The following SYT1 variants were observed in gnomAD, a reference collection of about 807,000 sequenced individuals.
SYT1 encodes the protein synaptotagmin-1.
In SYT1, 8 loss-of-function variants were observed where a neutral mutation model predicts 44.8. The observed-to-expected ratio is 0.18, with a 90% CI of 0.10 to 0.32. The LOEUF (loss-of-function observed/expected upper bound fraction) is 0.32. Ranked by LOEUF, SYT1 falls within the 10% of genes least tolerant of loss-of-function variation. SYT1 has a pLI of 1.00. For synonymous variants in SYT1, 154 were observed against 188.8 expected, an observed-to-expected ratio of 0.82 and a Z score of 1.51; for missense variants, 286 against 509.3, an observed-to-expected ratio of 0.56 and a Z score of 4.22.
At chr12:79,036,735 C>G (rs1873159242) in intron 2 of SYT1, among the ~76,000 whole-genome samples, 1 of 151,804 alleles carries the variant, frequency 6.6e-6, no homozygotes, top group African/African-American at 2.4e-5. Flanking sequence ...TTATTTGAAT[C>G]AGTGCATTGA....
chr12:79,196,470 A>T (rs1252488106), intron 3 of SYT1, among the ~76,000 whole-genome samples: 1 of 152,050 alleles, frequency 6.6e-6, no homozygotes, highest in African/African-American at 2.4e-5. Flanking sequence ...CCGGCTGTAC[A>T]TTTCTAATTC....
At chr12:79,392,567 G>T (rs1354332989) in intron 9 of SYT1, 1 of 152,064 alleles carries the variant, frequency 6.6e-6, no homozygotes, top group Non-Finnish European at 1.5e-5. Context: ...AAAGGGTATA[G>T]GGAGACTATC....
At chr12:79,410,987 A>G (rs1277109033) in intron 9 of SYT1, among the ~76,000 whole-genome samples, 1 of 152,214 alleles carries the variant, frequency 6.6e-6, no homozygotes, top group African/African-American at 2.4e-5. Flanking sequence ...TGACAGCAAT[A>G]ACCAACCACA....
chr12:79,259,746 A>C (rs1877725605), intron 4 of SYT1, among the ~76,000 whole-genome samples: 1 of 152,182 alleles, frequency 6.6e-6, no homozygotes, highest in Non-Finnish European at 1.5e-5. Context: ...ACAGAAACAA[A>C]AAAACTCATA....
At chr12:78,905,754 G>A (rs945432902) in intron 1 of SYT1, among the ~76,000 whole-genome samples, 4 of 151,930 alleles carry the variant, frequency 2.6e-5, no homozygotes, top group African/African-American at 9.7e-5. Flanking sequence ...GAAAAGTAAA[G>A]ATAGAGTTTT....
chr12:79,447,158 G>A (rs192636357), intron 10 of SYT1, among the ~76,000 whole-genome samples: 2 of 152,152 alleles, frequency 1.3e-5, no homozygotes, highest in East Asian at 3.9e-4. Context: ...TGGAAATAAT[G>A]AGCATTCCTT....
intron 1 of SYT1, among the ~76,000 whole-genome samples, chr12:78,907,732 T>C (rs984263500): frequency 2.6e-5 from 4 of 152,040 alleles, no homozygotes; most frequent in Non-Finnish European, 5.9e-5. Flanking sequence ...GTTATTACTG[T>C]CATGAAGCTA....
At chr12:79,408,328 C>A (rs1464178640) in intron 9 of SYT1, among the ~76,000 whole-genome samples, 3 of 152,114 alleles carry the variant, frequency 2.0e-5, no homozygotes. Context: ...GGCTGAACGA[C>A]CAAGTGAACA....
Position 79,310,662 on chromosome 12 carries a change from C to T in SYT1, c.810+11111C>T, listed in dbSNP as rs554928880. ...CTACCCGTGAGCATGGAATGTTCTT[C>T]CATTTGTTTGTATCCTCTTTTATTT... On this transcript the variant is annotated intron_variant, in intron 8 of 10. Transcript: ENST00000261205. Among the ~76,000 whole-genome samples, 7 of 152,310 alleles carry T rather than the reference C, an allele frequency of 4.6e-5. 1 individual carries two copies. The highest frequency in any genetic ancestry group is 1.2e-4 in the African/African-American group (5 of 41,562).
intron 1 of SYT1, among the ~76,000 whole-genome samples, chr12:78,950,763 G>A (rs934025321): frequency 6.6e-6 from 1 of 152,124 alleles, no homozygotes; most frequent in Admixed American, 6.6e-5. Flanking sequence ...GTCTCAAACT[G>A]TTTTCCTTAA....
intron 1 of SYT1, among the ~76,000 whole-genome samples, chr12:78,964,754 T>C (rs996041675): frequency 1.3e-5 from 2 of 152,142 alleles, no homozygotes; most frequent in African/African-American, 4.8e-5. Flanking sequence ...CTTGGTTGTT[T>C]AGAGTGAGTA....
chr12:79,153,048 A>G (rs1372279350), intron 3 of SYT1, among the ~76,000 whole-genome samples: 1 of 152,036 alleles, frequency 6.6e-6, no homozygotes, highest in Non-Finnish European at 1.5e-5. Flanking sequence ...ACAATAAGCT[A>G]TAAGTGCCTA....
At chr12:79,081,885 C>T (rs1225062705) in intron 3 of SYT1, among the ~76,000 whole-genome samples, 4 of 152,136 alleles carry the variant, frequency 2.6e-5, no homozygotes, top group Admixed American at 1.3e-4. Flanking sequence ...GACTGCTTTA[C>T]CATTGAATTC....
At chr12:79,098,091 C>G (rs1316779900) in intron 3 of SYT1, among the ~76,000 whole-genome samples, 1 of 152,002 alleles carries the variant, frequency 6.6e-6, no homozygotes, top group Non-Finnish European at 1.5e-5. Context: ...CTATGCTGTT[C>G]AAAACCATAG....
chr12:78,986,453 CAT>C (rs1320937631), intron 2 of SYT1, among the ~76,000 whole-genome samples: 1 of 151,856 alleles, frequency 6.6e-6, no homozygotes, highest in Non-Finnish European at 1.5e-5. Flanking sequence ...TTTTAGCTAA[CAT>C]ATTTTACTAA....
chr12:79,275,174 T>A (rs529543691), intron 4 of SYT1, among the ~76,000 whole-genome samples: 1 of 152,224 alleles, frequency 6.6e-6, no homozygotes, highest in Admixed American at 6.5e-5. Flanking sequence ...AACTTTCTGC[T>A]TGTGGGCAAA....
chr12:79,015,157 C>G (rs1871722202), intron 2 of SYT1, among the ~76,000 whole-genome samples: 3 of 151,850 alleles, frequency 2.0e-5, no homozygotes, highest in Admixed American at 6.6e-5. Flanking sequence ...CACATGTATA[C>G]ATATGTAACT....
intron 8 of SYT1, among the ~76,000 whole-genome samples, chr12:79,327,937 G>A (rs1479134040): frequency 6.6e-6 from 1 of 152,224 alleles, no homozygotes; most frequent in Non-Finnish European, 1.5e-5. Context: ...GGAATGGCGT[G>A]AGGGGTAAGC....
intron 4 of SYT1, among the ~76,000 whole-genome samples, chr12:79,222,444 C>T (rs1252997827): frequency 5.3e-5 from 8 of 150,870 alleles, no homozygotes; most frequent in Admixed American, 1.3e-4. Context: ...TGCAGTGGCA[C>T]GATCTTGCCT....
Sources: gnomAD v4.1 joint callset for allele counts (sites outside exome capture counted in the v4.1 genomes callset) on GRCh38, gnomAD v4.1.1 for gene constraint, MANE v1.5 for transcripts, NCBI Gene and HGNC (gene_info 2026-07-23, HGNC 2026-07-21) for gene names.